The following FSTL5 variants were observed in gnomAD, a reference collection of about 807,000 sequenced individuals.
The protein encoded by FSTL5 is follistatin like 5.
A neutral mutation model predicts 89.1 loss-of-function variants in FSTL5; 62 were observed. That is an observed-to-expected ratio of 0.70 (90% confidence interval 0.57 to 0.86). The LOEUF is 0.86. Ranked by LOEUF, FSTL5 falls within the 40% of genes least tolerant of loss-of-function variation. The pLI is 0.00. For missense variants in FSTL5, 1,057 were observed against 1,001.6 expected, an observed-to-expected ratio of 1.06 and a Z score of -0.75; for synonymous variants, 383 against 346.2, an observed-to-expected ratio of 1.11 and a Z score of -1.18.
intron 4 of FSTL5, among the ~76,000 whole-genome samples, chr4:161,849,256 G>A (rs113561663): frequency 2.6e-3 from 398 of 152,108 alleles, no homozygotes; most frequent in Non-Finnish European, 4.4e-3. Context: ...ACCACCAATG[G>A]CATGATTGTG....
rs115389839 is a variant in FSTL5 at position 161,451,919 on chromosome 4, G to T, written c.1841+3085C>A. On this transcript the variant is annotated intron_variant, in intron 15 of 15. Transcript: ENST00000306100. Reference sequence around the variant, plus strand: ...CACTAAGAATATAAAAGCCTGACACGTGTCAAGAAGCTTTTCAGACACTGA... The same window carrying T: ...CACTAAGAATATAAAAGCCTGACACTTGTCAAGAAGCTTTTCAGACACTGA... Among the ~76,000 whole-genome samples the T allele has an allele frequency of 3.8e-3, 576 of 152,282 alleles. 4 individuals are homozygous for T. Among genetic ancestry groups the T allele is most frequent in the African/African-American group, 0.013 (524 of 41,550 alleles).
intron 8 of FSTL5, among the ~76,000 whole-genome samples, chr4:161,553,134 T>G (rs1298880419): frequency 6.6e-6 from 1 of 151,656 alleles, no homozygotes; most frequent in Admixed American, 6.6e-5. Flanking sequence ...ATACACTAAA[T>G]AATTCCATAT....
intron 6 of FSTL5, among the ~76,000 whole-genome samples, chr4:161,697,809 C>A (rs1738223638): frequency 1.3e-5 from 2 of 152,150 alleles, no homozygotes; most frequent in Admixed American, 1.3e-4. Flanking sequence ...TTGATCTCTT[C>A]TGATGAAACA....
chr4:161,544,109 C>G (rs960788444), intron 8 of FSTL5, among the ~76,000 whole-genome samples: 2 of 151,238 alleles, frequency 1.3e-5, no homozygotes, highest in African/African-American at 4.9e-5. Flanking sequence ...GTATAAATGG[C>G]TAATTAAGCA....
intron 4 of FSTL5, among the ~76,000 whole-genome samples, chr4:161,821,429 T>G (rs1012727301): frequency 6.6e-6 from 1 of 152,134 alleles, no homozygotes; most frequent in African/African-American, 2.4e-5. Flanking sequence ...TCTTTATTAT[T>G]ATTTTTTAAA....
intron 3 of FSTL5, among the ~76,000 whole-genome samples, chr4:161,977,680 A>T (rs548014546): frequency 5.8e-4 from 85 of 147,058 alleles, no homozygotes; most frequent in East Asian, 4.5e-3. Context: ...TTATTTTTTT[A>T]AAAATTTGGC....
chr4:161,575,346 A>G (rs1183365529), intron 8 of FSTL5, among the ~76,000 whole-genome samples: 1 of 152,180 alleles, frequency 6.6e-6, no homozygotes, highest in Non-Finnish European at 1.5e-5. Context: ...TCTTTAGTTT[A>G]ATTAGATCTC....
intron 3 of FSTL5, among the ~76,000 whole-genome samples, chr4:161,997,600 T>C (rs969719980): frequency 1.4e-4 from 12 of 87,568 alleles, no homozygotes; most frequent in Non-Finnish European, 2.9e-4. Flanking sequence ...ATACATGTTA[T>C]CTTTTTTTTT....
At chr4:161,924,267 G>T (rs1403764097) in intron 3 of FSTL5, among the ~76,000 whole-genome samples, 4 of 151,168 alleles carry the variant, frequency 2.6e-5, no homozygotes, top group Non-Finnish European at 5.9e-5. Flanking sequence ...AATATTAAAA[G>T]ACTAAACATA....
At chr4:161,589,985 A>G (rs10155479) in intron 7 of FSTL5, among the ~76,000 whole-genome samples, 2,440 of 152,220 alleles carry the variant, frequency 0.016, 71 homozygotes, top group African/African-American at 0.055. Context: ...AAAGCCTGGG[A>G]GACTTACTGA....
At chr4:161,941,636 C>T (rs1474449146) in intron 3 of FSTL5, among the ~76,000 whole-genome samples, 1 of 151,758 alleles carries the variant, frequency 6.6e-6, no homozygotes, top group Non-Finnish European at 1.5e-5. Flanking sequence ...TCTCAGAGCC[C>T]TAAACTACAT....
At chr4:162,108,527 C>G (rs1293837738) in intron 2 of FSTL5, among the ~76,000 whole-genome samples, 1 of 151,556 alleles carries the variant, frequency 6.6e-6, no homozygotes, top group Non-Finnish European at 1.5e-5. Context: ...TTATACTTTT[C>G]TAGTCAATAA....
At chr4:162,038,842 T>C (rs1737840250) in intron 2 of FSTL5, among the ~76,000 whole-genome samples, 1 of 151,832 alleles carries the variant, frequency 6.6e-6, no homozygotes, top group African/African-American at 2.4e-5. Context: ...ATCATCTAAA[T>C]GCTAAATGCT....
At chr4:161,899,229 A>G (rs1322026049) in intron 4 of FSTL5, among the ~76,000 whole-genome samples, 1 of 152,162 alleles carries the variant, frequency 6.6e-6, no homozygotes, top group African/African-American at 2.4e-5. Flanking sequence ...AAAGTAAGCC[A>G]CAGGGTGCTG....
intron 4 of FSTL5, among the ~76,000 whole-genome samples, chr4:161,912,414 C>G (rs1282191340): frequency 6.6e-6 from 1 of 152,074 alleles, no homozygotes; most frequent in Non-Finnish European, 1.5e-5. Flanking sequence ...TCATGGGGGC[C>G]AGTCTTTCCT....
At chr4:162,011,197 T>C (rs1736756711) in intron 3 of FSTL5, among the ~76,000 whole-genome samples, 2 of 152,142 alleles carry the variant, frequency 1.3e-5, no homozygotes, top group Non-Finnish European at 2.9e-5. Context: ...AACACTCACA[T>C]ATCCAGTGGC....
At chr4:161,535,788 C>G (rs1731589018) in intron 10 of FSTL5, among the ~76,000 whole-genome samples, 1 of 151,994 alleles carries the variant, frequency 6.6e-6, no homozygotes, top group Non-Finnish European at 1.5e-5. Flanking sequence ...CATGCACTTG[C>G]ATGTTTGTTG....
rs1354800997 is a variant in FSTL5, at chr4:161,898,658, C to A, written c.409+21746G>T. On this transcript the variant is annotated intron_variant, in intron 4 of 15. Transcript: ENST00000306100. ...TTTTTTTTTTTTTTTGAGACGGAGT[C>A]TCACTCTGTCGCCCAGGCTGGAGTG... Among the ~76,000 whole-genome samples the A allele has an allele frequency of 2.3e-5, 3 of 130,730 alleles. No individual in the cohort carries two copies. The East Asian group carries it at 6.7e-4, about 29-fold the overall frequency. 85.8% of individuals were successfully genotyped at this position (130,730 alleles called of 152,430 possible). A position where few individuals can be genotyped will look rare whatever the true frequency, so the allele number is the denominator to read the frequency against.
chr4:161,424,531 TA>T (rs10570017), intron 15 of FSTL5, among the ~76,000 whole-genome samples: 69,840 of 148,832 alleles, frequency 0.47, 17,021 homozygotes, highest in Middle Eastern at 0.63. Flanking sequence ...CTCCTTTAAA[TA>T]AAAAAAAAAA....
Sources: allele counts gnomAD v4.1 joint callset (sites outside exome capture counted in the v4.1 genomes callset), GRCh38; gene constraint gnomAD v4.1.1; transcripts MANE v1.5; gene names NCBI Gene and HGNC (gene_info 2026-07-23, HGNC 2026-07-21).